The following COL12A1 variants were observed in gnomAD, a reference collection of about 807,000 sequenced individuals.
COL12A1 encodes collagen type XII alpha 1 chain.
COL12A1 carries 114 observed loss-of-function variants against 349.7 expected under a neutral mutation model. The ratio of observed to expected loss-of-function variants is 0.33; its 90% CI spans 0.28 to 0.38. COL12A1 has a LOEUF of 0.38. Among genes scored for constraint, COL12A1 ranks in the 10% least tolerant of loss-of-function variants. The probability of loss-of-function intolerance (pLI) is 1.00; values close to 1 mark genes in which losing one functional copy is unlikely to be tolerated. For missense variants in COL12A1, 3,284 were observed against 3,756.9 expected (o/e 0.87, Z 3.29); for synonymous variants, 1,369 against 1,329.0 (o/e 1.03, Z -0.66).
rs758731298 is a variant in COL12A1 at position 75,146,161 on chromosome 6, T to C, written c.4501A>G (p.Thr1501Ala). The change falls in exon 24 of 66, where the codon ACT (threonine) becomes GCT (alanine). Residue 1501 changes from threonine to alanine, a missense_variant. By Grantham distance (58) the Thr-to-Ala change is moderately conservative (BLOSUM62 0). Coordinates refer to ENST00000322507, the MANE Select transcript of COL12A1 (RefSeq NM_004370.6). ...GGTTTGTATGACAAGATGTAGCCAG[T>C]AGCTCCTCCCACAGGCTGCCACTGC... is the stretch of plus-strand genomic sequence containing the variant. Reference protein sequence around the residue: ...HVQWQPVGGATGYILSYKPVK... With the variant: ...HVQWQPVGGAAGYILSYKPVK... 6.2e-7 allele frequency: 1 copy of C among 1,613,666 alleles called. No individual in the cohort carries two copies. Among genetic ancestry groups the C allele is most frequent in the South Asian group, 1.1e-5 (1 of 91,018 alleles).
At position 75,085,011 on chromosome 6, in the gene COL12A1, T is replaced by G. The variant is rs1010861411; in HGVS notation, c.*1536A>C. On this transcript the variant is annotated 3_prime_UTR_variant, in exon 66 of 66. Transcript: ENST00000322507. ...GGCAAAGGCAAAAATGTCTACAGACTGCGTGCTTGGAGCTAGGCTTCCTGC... is the reference window on the plus strand; with the variant it reads ...GGCAAAGGCAAAAATGTCTACAGACGGCGTGCTTGGAGCTAGGCTTCCTGC... 2 of 317,598 alleles carry G rather than the reference T, an allele frequency of 6.3e-6. No individual in the cohort carries two copies. The highest frequency in any genetic ancestry group is 6.4e-6 in the Non-Finnish European group (1 of 156,632). The allele number at this position is 317,598 out of a possible 1,614,324, so 19.7% of individuals were successfully genotyped here.
intron 64 of COL12A1, among the ~76,000 whole-genome samples, chr6:75,088,874 G>A (rs552825520): frequency 6.6e-5 from 10 of 152,002 alleles, no homozygotes; most frequent in South Asian, 2.1e-4. Context: ...GGTGGCGGGC[G>A]CCTGTAGTCC....
In COL12A1 at chr6:75,084,753, C is replaced by T. The variant is rs1767399483; in HGVS notation, c.*1794G>A. 1 of 156,516 alleles carries T rather than the reference C, an allele frequency of 6.4e-6. No homozygotes were observed. Among genetic ancestry groups the T allele is most frequent in the Admixed American group, 6.2e-5 (1 of 16,200 alleles). The allele number at this position is 156,516 out of a possible 1,614,324, so 9.7% of individuals were successfully genotyped here. ...AGTAATTGCAATGGAGTTGACGTTT[C>T]CCTCCTTTTTGGTTTTAGGAGGGGA... On this transcript the variant is annotated 3_prime_UTR_variant, in exon 66 of 66. Transcript: ENST00000322507.
chr6:75,184,242 C>T (rs1010160816), intron 8 of COL12A1, 98 bp from the exon 9 acceptor site: 11 of 1,260,216 alleles, frequency 8.7e-6, no homozygotes, highest in Middle Eastern at 5.5e-4. Context: ...TATTCAAATT[C>T]ATCCTAAATA....
rs529883980 is a variant in COL12A1 at position 75,091,301 on chromosome 6, G to A, written c.8752+22C>T. ...AATTAATTTTAAAACAATTCATACA[G>A]TAAAAAGAAAAGAAATTTTACCACT... On this transcript the variant is annotated intron_variant, in intron 62 of 65. Coordinates refer to ENST00000322507, the MANE Select transcript of COL12A1 (RefSeq NM_004370.6). 1.5e-4 allele frequency: 246 copies of A among 1,602,758 alleles called. 1 individual carries two copies. In the East Asian group the frequency reaches 4.7e-3, roughly 31 times the overall value.
At position 75,087,612 on chromosome 6, in the gene COL12A1, C is replaced by T. The variant is rs1268620135; in HGVS notation, c.9146G>A (p.Cys3049Tyr). Residue 3049 changes from cysteine (C) to tyrosine (Y), a missense_variant, in exon 65 of 66, where the codon TGT (cysteine) becomes TAT (tyrosine). Transcript: ENST00000322507. ...GPPGYCDSSQCASIPYNGQGY... is the reference protein window; with the variant it reads ...GPPGYCDSSQYASIPYNGQGY... ...TTGCCCGTTGTATGGGATGCTGGCA[C>T]ACTGAGAAGAATCACAGTATCCAGG... 5 of 1,613,888 alleles carry T rather than the reference C, an allele frequency of 3.1e-6. No individual in the cohort carries two copies. Among genetic ancestry groups the T allele is most frequent in the Non-Finnish European group, 4.2e-6 (5 of 1,179,890 alleles).
chr6:75,189,740 T>C lies in COL12A1; in HGVS notation c.470A>G (p.Lys157Arg). The change falls in exon 6 of 66, where the codon AAG becomes AGG. Residue 157 changes from lysine (K) to arginine (R), a missense_variant. Lys to Arg is a conservative substitution (Grantham distance 26). Around this residue, in one of 2 missense-constraint regions of COL12A1, gnomAD observed 2,601 missense variants for 2,824.8 expected, o/e 0.92. Transcript: ENST00000322507. ...AGCAGCAATGAAGTCTAAAATGTAC[T>C]TGAAATTATTTCTTCCCACACTCCA... ...GSWSVGRNNF[K>R]YILDFIAALV... is the part of the protein sequence containing the mutation. The C allele has an allele frequency of 6.2e-7, 1 of 1,613,326 alleles. No homozygotes were observed. The highest frequency in any genetic ancestry group is 8.5e-7 in the Non-Finnish European group (1 of 1,179,418).
At chr6:75,095,052 A>G (rs926472807) in intron 60 of COL12A1, 56 bp downstream of exon 60, 1 of 1,477,594 alleles carries the variant, frequency 6.8e-7, no homozygotes, top group East Asian at 2.3e-5. Flanking sequence ...TGCAGTTCTC[A>G]TTATTTATTT....
In COL12A1 at chr6:75,165,442, C is replaced by T. The variant is rs147478061; in HGVS notation, c.2983+65G>A. The T allele has an allele frequency of 8.0e-4, 1,251 of 1,557,566 alleles. 3 individuals are homozygous for T. The highest frequency in any genetic ancestry group is 2.7e-3 in the Middle Eastern group (16 of 5,838). ...ACATTCAAGTGATTAAACTGCATGT[C>T]ACTTGAGCTGATAACTATTGGGTAG... On this transcript the variant is annotated intron_variant, in intron 14 of 65. Transcript: ENST00000322507.
chr6:75,155,715 C>G lies in COL12A1; in HGVS notation c.3390G>C (p.Leu1130=). 1 of 1,612,878 alleles carries G rather than the reference C, an allele frequency of 6.2e-7. No homozygotes were observed. Among genetic ancestry groups the G allele is most frequent in the South Asian group, 1.1e-5 (1 of 90,814 alleles). Reference sequence around the variant, plus strand: ...CATAGGGTCCAACCACTAACTCCCCCAGTCTTCTGTCATCCCCCGTAGGGT... The same window carrying G: ...CATAGGGTCCAACCACTAACTCCCCGAGTCTTCTGTCATCCCCCGTAGGGT... ...TFHPTGDDRR[L]GELVVGPYDN... is the part of the protein sequence containing the mutation. The change falls in exon 16 of 66, where the codon CTG becomes CTC. Residue 1130 remains leucine, a synonymous_variant. Transcript: ENST00000322507.
intron 51 of COL12A1, among the ~76,000 whole-genome samples, chr6:75,109,784 A>ATTAGT (rs1305516356): frequency 2.6e-5 from 4 of 152,122 alleles, no homozygotes; most frequent in Non-Finnish European, 5.9e-5. Flanking sequence ...ACAGAATGTT[A>ATTAGT]ACAACTCTAT....
At position 75,177,894 on chromosome 6, in the gene COL12A1, T is replaced by C; in HGVS notation, c.2206A>G (p.Thr736Ala). 6.2e-7 allele frequency: 1 copy of C among 1,612,820 alleles called. No individual in the cohort carries two copies. Among genetic ancestry groups the C allele is most frequent in the Non-Finnish European group, 8.5e-7 (1 of 1,180,000 alleles). Reference protein sequence around the residue: ...PRNLKVTDETTDSFKITWTQA... With the variant: ...PRNLKVTDETADSFKITWTQA... Reference sequence around the variant, plus strand: ...GTCCAAGTAATTTTGAAACTATCTGTAGTCTCATCTGTCACCTTTAGGTTT... The same window carrying C: ...GTCCAAGTAATTTTGAAACTATCTGCAGTCTCATCTGTCACCTTTAGGTTT... Residue 736 changes from threonine to alanine, a missense_variant, in exon 12 of 66, where the codon ACA becomes GCA. By Grantham distance (58) the Thr-to-Ala change is moderately conservative. Around this residue, in one of 2 missense-constraint regions of COL12A1, gnomAD observed 2,601 missense variants for 2,824.8 expected, o/e 0.92. Transcript: ENST00000322507.
chr6:75,108,071 A>C (rs937591013), intron 52 of COL12A1, among the ~76,000 whole-genome samples: 3 of 132,756 alleles, frequency 2.3e-5, no homozygotes, highest in African/African-American at 7.7e-5. Flanking sequence ...ATTGATTGAC[A>C]TTGATTGATT....
At chr6:75,160,243 A>T (rs1244022339) in intron 14 of COL12A1, among the ~76,000 whole-genome samples, 1 of 152,202 alleles carries the variant, frequency 6.6e-6, no homozygotes, top group Non-Finnish European at 1.5e-5. Context: ...CAGCTGCCAT[A>T]AATTAGAAGG....
chr6:75,192,377 A>G (rs763013114), intron 3 of COL12A1, 22 bp from the exon 4 acceptor site: 2 of 1,602,278 alleles, frequency 1.2e-6, no homozygotes, highest in Non-Finnish European at 1.7e-6. Context: ...AAAAGGAAAA[A>G]TATGAATGCA....
intron 31 of COL12A1, among the ~76,000 whole-genome samples, chr6:75,136,589 CAT>C (rs1766619585): frequency 1.3e-5 from 2 of 152,178 alleles, no homozygotes; most frequent in Admixed American, 6.5e-5. Flanking sequence ...GTTAATAACA[CAT>C]GTGTCTCTAA....
chr6:75,149,320 A>G (rs969776556), intron 21 of COL12A1, among the ~76,000 whole-genome samples: 4 of 151,846 alleles, frequency 2.6e-5, no homozygotes, highest in Admixed American at 2.6e-4. Context: ...CTATATACTC[A>G]TGTCTTCTCT....
chr6:75,177,465 A>T (rs1769021720), intron 12 of COL12A1, among the ~76,000 whole-genome samples, 198 bp downstream of exon 12: 1 of 152,064 alleles, frequency 6.6e-6, no homozygotes, highest in African/African-American at 2.4e-5. Flanking sequence ...TAAACAAATA[A>T]ATCTATTGAC....
chr6:75,111,301 G>C (rs1768829014), intron 51 of COL12A1, among the ~76,000 whole-genome samples: 1 of 151,786 alleles, frequency 6.6e-6, no homozygotes, highest in South Asian at 2.1e-4. Flanking sequence ...AAAAGACAGA[G>C]CTTGTGAGGA....
Sources: gnomAD v4.1 joint callset for allele counts (sites outside exome capture counted in the v4.1 genomes callset) on GRCh38, gnomAD v4.1.1 for gene constraint, gnomAD v4.1.1 regional missense constraint, MANE v1.5 for transcripts, NCBI Gene and HGNC (gene_info 2026-07-23, HGNC 2026-07-21) for gene names.